OSBP2: variants seen among roughly 807,000 people sequenced by gnomAD.
OSBP2 encodes oxysterol binding protein 2, also known as oxysterol-binding protein 2.
OSBP2 carries 66 observed loss-of-function variants against 96.0 expected under a neutral mutation model. The ratio of observed to expected loss-of-function variants is 0.69; its 90% CI spans 0.56 to 0.84. The LOEUF is 0.84. Among genes scored for constraint, OSBP2 ranks in the 40% least tolerant of loss-of-function variants. The pLI is 0.00. For missense variants in OSBP2, 1,038 were observed against 1,222.7 expected (o/e 0.85, Z 2.25); for synonymous variants, 525 against 520.9 (o/e 1.01, Z -0.11).
intron 2 of OSBP2, among the ~76,000 whole-genome samples, chr22:30,834,802 T>C (rs2038598206): frequency 6.6e-6 from 1 of 151,894 alleles, no homozygotes. Context: ...TTGTCTTTTC[T>C]TTTCTTTTCT....
At position 30,695,432 on chromosome 22, in the gene OSBP2, G is replaced by A. The variant is rs755808897; in HGVS notation, c.523G>A (p.Ala175Thr). ...GTCGGGGACTGGCACGACCTCCAGT[G>A]CCCCACTGGCCTTACTGCCTCTGGA... ...PMSGTGTTSS[A>T]PLALLPLDSF... The change falls in exon 1 of 14, where the codon GCC becomes ACC. Residue 175 changes from alanine to threonine, a missense_variant. Ala to Thr is a moderately conservative substitution (Grantham distance 58). Coordinates refer to ENST00000332585, the MANE Select transcript of OSBP2 (RefSeq NM_030758.4). 1 of 1,613,678 alleles carries A rather than the reference G, an allele frequency of 6.2e-7. No homozygotes were observed. The highest frequency in any genetic ancestry group is 2.2e-5 in the East Asian group (1 of 44,880).
intron 2 of OSBP2, among the ~76,000 whole-genome samples, chr22:30,798,382 T>C (rs530859305): frequency 6.6e-6 from 1 of 152,374 alleles, no homozygotes; most frequent in Admixed American, 6.5e-5. Context: ...GGTTTTGTTT[T>C]TACTCTGTTG....
chr22:30,700,392 C>T (rs1376700084), intron 1 of OSBP2, among the ~76,000 whole-genome samples: 1 of 151,744 alleles, frequency 6.6e-6, no homozygotes, highest in East Asian at 1.9e-4. Flanking sequence ...CGGGAAGTTC[C>T]CTTTGAAAAA....
At chr22:30,785,581 AAAC>A (rs1243421970) in intron 2 of OSBP2, among the ~76,000 whole-genome samples, 4,194 of 145,554 alleles carry the variant, frequency 0.029, 100 homozygotes, top group African/African-American at 0.059. Context: ...AAAAAAAAAA[AAAC>A]AGGCTTAATC....
intron 1 of OSBP2, among the ~76,000 whole-genome samples, chr22:30,708,457 A>G (rs1377365461): frequency 7.3e-6 from 1 of 137,670 alleles, no homozygotes; most frequent in Non-Finnish European, 1.6e-5. Context: ...CTATTTCAGT[A>G]TATATCTCTA....
chr22:30,761,041 T>C (rs1048972832), intron 2 of OSBP2, among the ~76,000 whole-genome samples: 2 of 152,200 alleles, frequency 1.3e-5, no homozygotes, highest in Non-Finnish European at 2.9e-5. Context: ...AATGCTTTAC[T>C]TTCCGCCTAG....
At chr22:30,875,786 C>T (rs1002384553) in intron 3 of OSBP2, among the ~76,000 whole-genome samples, 2 of 152,184 alleles carry the variant, frequency 1.3e-5, no homozygotes, top group Non-Finnish European at 2.9e-5. Context: ...CAGGGCAACC[C>T]CTCTCTCATC....
chr22:30,806,388 T>A (rs80062159), intron 2 of OSBP2, among the ~76,000 whole-genome samples: 14,707 of 152,138 alleles, frequency 0.097, 776 homozygotes, highest in African/African-American at 0.12. Context: ...CCAGGCAGAA[T>A]CACAATGGGG....
At chr22:30,878,934 T>C (rs1193467353) in intron 3 of OSBP2, among the ~76,000 whole-genome samples, 1 of 151,616 alleles carries the variant, frequency 6.6e-6, no homozygotes, top group Non-Finnish European at 1.5e-5. Flanking sequence ...TAGGAGACAT[T>C]GGGGGCACCA....
rs1569128848 is a variant in OSBP2 at position 30,799,116 on chromosome 22, T to TTC, written c.853+57747_853+57748insTC. Among the ~76,000 whole-genome samples the TTC allele has an allele frequency of 2.4e-4, 27 of 111,686 alleles. No individual in the cohort carries two copies. The South Asian group carries it at 4.0e-3, about 17-fold the overall frequency. The allele number at this position is 111,686 out of a possible 152,430, so 73.3% of individuals were successfully genotyped here. ...TCCTTCCTTCCTTCCTTCCTTCCTT[T>TTC]CTTTCTCTTTTGAGATAGGGTCTCA... On this transcript the variant is annotated intron_variant, in intron 2 of 13. Transcript: ENST00000332585.
intron 2 of OSBP2, among the ~76,000 whole-genome samples, chr22:30,771,481 C>T (rs908008616): frequency 1.2e-4 from 19 of 152,234 alleles, no homozygotes; most frequent in Admixed American, 6.5e-5. Context: ...GTGGCGGCCC[C>T]TGCCCATGTA....
chr22:30,825,283 T>A (rs2038374182), intron 2 of OSBP2, among the ~76,000 whole-genome samples: 1 of 152,052 alleles, frequency 6.6e-6, no homozygotes, highest in Non-Finnish European at 1.5e-5. Flanking sequence ...AGGTCAGGAG[T>A]TCGAGACCAG....
At chr22:30,863,412 A>G (rs764350113) in intron 2 of OSBP2, among the ~76,000 whole-genome samples, 1 of 152,190 alleles carries the variant, frequency 6.6e-6, no homozygotes, top group Non-Finnish European at 1.5e-5. Context: ...CTGGAAACCA[A>G]TGACACCACT....
At chr22:30,831,492 C>G (rs1445564656) in intron 2 of OSBP2, among the ~76,000 whole-genome samples, 1 of 152,212 alleles carries the variant, frequency 6.6e-6, no homozygotes, top group Non-Finnish European at 1.5e-5. Context: ...CACCGATCCA[C>G]TGTCCTTGGT....
At chr22:30,873,846 G>A (rs1175195012) in intron 3 of OSBP2, among the ~76,000 whole-genome samples, 1 of 152,310 alleles carries the variant, frequency 6.6e-6, no homozygotes, top group South Asian at 2.1e-4. Flanking sequence ...CAGCGCGCTG[G>A]GGCAGGCAGC....
chr22:30,760,631 C>G (rs1158456218), intron 2 of OSBP2, among the ~76,000 whole-genome samples: 1 of 152,080 alleles, frequency 6.6e-6, no homozygotes, highest in African/African-American at 2.4e-5. Context: ...GCTTGGCCAA[C>G]ATGGTGAAAC....
chr22:30,906,464 A>T lies in OSBP2; in HGVS notation c.*125A>T. ...CCCAGCCCTTCCTATTTCCTTTCCT[A>T]TTTTTTTTTTCTCCCCACACTTTCT... On this transcript the variant is annotated 3_prime_UTR_variant, in exon 14 of 14. Transcript: ENST00000332585. The T allele has an allele frequency of 1.8e-6, 2 of 1,083,872 alleles. No homozygotes were observed. The highest frequency in any genetic ancestry group is 2.4e-6 in the Non-Finnish European group (2 of 821,924). 67.1% of individuals were successfully genotyped at this position (1,083,872 alleles called of 1,614,324 possible).
At chr22:30,696,573 T>C (rs2089040991) in intron 1 of OSBP2, among the ~76,000 whole-genome samples, 1 of 152,352 alleles carries the variant, frequency 6.6e-6, no homozygotes, top group Non-Finnish European at 1.5e-5. Flanking sequence ...CTTGACTTGC[T>C]GTTGCTGAAA....
chr22:30,704,503 C>T (rs2089216460), intron 1 of OSBP2, among the ~76,000 whole-genome samples: 1 of 148,976 alleles, frequency 6.7e-6, no homozygotes, highest in Non-Finnish European at 1.5e-5. Context: ...TCCAGATTCC[C>T]AGAAGGAAAG....
Sources: gnomAD v4.1 joint callset for allele counts (sites outside exome capture counted in the v4.1 genomes callset) on GRCh38, gnomAD v4.1.1 for gene constraint, MANE v1.5 for transcripts, NCBI Gene and HGNC (gene_info 2026-07-23, HGNC 2026-07-21) for gene names.